DCHS1: variants seen among roughly 807,000 people sequenced by gnomAD.
DCHS1 encodes the protein dachsous cadherin-related 1, also known as protocadherin-16.
Under a neutral mutation model 213.9 loss-of-function variants are expected in DCHS1, and 78 were observed. That is an observed-to-expected ratio of 0.36 (90% CI 0.30 to 0.44). The LOEUF (loss-of-function observed/expected upper bound fraction) is 0.44. DCHS1 is among the 20% of genes least tolerant of loss of function. The probability of loss-of-function intolerance (pLI) is 1.00; values close to 1 mark genes in which losing one functional copy is unlikely to be tolerated. For missense variants in DCHS1, 3,946 were observed against 4,395.9 expected (o/e 0.90, Z 2.89); for synonymous variants, 1,828 against 1,873.7 (o/e 0.98, Z 0.63).
Position 6,632,867 on chromosome 11 carries a change from A to G in DCHS1, c.2645T>C (p.Val882Ala). ...GTTGTCATTCACATCATCCAGCAGC[A>G]CACGCACCCGAGCTACAGCGAAAGC... The part of the protein sequence containing the change: ...PPAFAVARVR[V>A]LLDDVNDNSP... The change falls in exon 6 of 21, where the codon GTG (valine) becomes GCG (alanine). Residue 882 changes from valine (V) to alanine (A), a missense_variant. This residue lies in a region of DCHS1 where 3,384 missense variants were observed against 3,780.1 expected (regional missense o/e 0.90). Transcript: ENST00000299441. This position sits in a 1 kb window ranked among gnomAD's most constrained non-coding sequence, Gnocchi z 5.9. 2.5e-6 allele frequency: 4 copies of G among 1,614,042 alleles called. No individual in the cohort carries two copies. Among genetic ancestry groups the G allele is most frequent in the Non-Finnish European group, 2.5e-6 (3 of 1,179,892 alleles).
Position 6,625,573 on chromosome 11 carries a change from G to A in DCHS1, c.6862+24C>T. 1 of 1,613,414 alleles carries A rather than the reference G, an allele frequency of 6.2e-7. No individual in the cohort carries two copies. The highest frequency in any genetic ancestry group is 1.1e-5 in the South Asian group (1 of 91,030). On this transcript the variant is annotated intron_variant, in intron 18 of 20. Transcript: ENST00000299441. The surrounding 1 kb of genome is among the most constrained non-coding windows in gnomAD (Gnocchi z 5.3). Reference sequence around the variant, plus strand: ...AAAATGTCTCTCTGCCACCCTTTATGCCACCCACTTTACCCAGCCTCACCT... The same window carrying A: ...AAAATGTCTCTCTGCCACCCTTTATACCACCCACTTTACCCAGCCTCACCT...
intron 1 of DCHS1, among the ~76,000 whole-genome samples, chr11:6,647,358 G>T (rs538446686): frequency 6.6e-6 from 1 of 152,266 alleles, no homozygotes; most frequent in African/African-American, 2.4e-5. Context: ...GAAGAAGGAG[G>T]AGGGGGCTCA....
At position 6,632,005 on chromosome 11, in the gene DCHS1, C is replaced by T. The variant is rs781130890; in HGVS notation, c.3481+26G>A. ...CAGGCTGGGGATAAGGCTATGCGGT[C>T]TCAGGATTTGGGTCTCTGTGCTCAC... is the stretch of plus-strand genomic sequence containing the variant. On this transcript the variant is annotated intron_variant, in intron 6 of 20. Coordinates refer to ENST00000299441, the MANE Select transcript of DCHS1 (RefSeq NM_003737.4). The surrounding 1 kb of genome is among the most constrained non-coding windows in gnomAD (Gnocchi z 5.9). 7 of 1,494,638 alleles carry T rather than the reference C, an allele frequency of 4.7e-6. No homozygotes were observed. The East Asian group carries it at 1.6e-4, about 34-fold the overall frequency. The allele number at this position is 1,494,638 out of a possible 1,614,324, so 92.6% of individuals were successfully genotyped here. A position where few individuals can be genotyped will look rare whatever the true frequency, so the allele number is the denominator to read the frequency against.
chr11:6,646,717 C>G (rs1010998415), intron 1 of DCHS1, among the ~76,000 whole-genome samples: 2 of 152,218 alleles, frequency 1.3e-5, no homozygotes, highest in African/African-American at 4.8e-5. Context: ...TGCTCTCCTC[C>G]TCCATCCCCA....
intron 1 of DCHS1, among the ~76,000 whole-genome samples, chr11:6,650,189 C>A (rs1319177488): frequency 1.3e-5 from 2 of 152,158 alleles, no homozygotes; most frequent in African/African-American, 4.8e-5. Flanking sequence ...TGAGAGATAA[C>A]AAGCTTCTTC....
Position 6,631,417 on chromosome 11 carries a change from C to G in DCHS1, c.3676-10G>C, listed in dbSNP as rs769146254. The stretch of plus-strand genomic sequence containing the variant: ...GCACGCGGTCTGGTACCTGTGGGAA[C>G]ACAACTCACCTAGTGAGTCTCTTTC... On this transcript the variant is annotated splice_polypyrimidine_tract_variant and intron_variant, in intron 7 of 20. Coordinates refer to ENST00000299441, the MANE Select transcript of DCHS1 (RefSeq NM_003737.4). 1.7e-5 allele frequency: 28 copies of G among 1,613,762 alleles called. No homozygotes were observed. The highest frequency in any genetic ancestry group is 2.2e-5 in the Non-Finnish European group (26 of 1,179,796).
Position 6,633,425 on chromosome 11 carries a change from T to A in DCHS1, c.2442A>T (p.Ala814=), listed in dbSNP as rs779234499. 1 of 1,556,988 alleles carries A rather than the reference T, an allele frequency of 6.4e-7. No individual in the cohort carries two copies. Among genetic ancestry groups the A allele is most frequent in the South Asian group, 1.2e-5 (1 of 84,364 alleles). The part of the protein sequence containing the change: ...APGTSVGIVQ[A]HNPPGRLAPV... ...GCTAAATGATACCTGGTGGGTTGTG[T>A]GCCTGGACTATGCCCACACTGGTGC... The change falls in exon 5 of 21, where the codon GCA becomes GCT. Residue 814 remains alanine (A), a synonymous_variant. Transcript: ENST00000299441.
At position 6,630,475 on chromosome 11, in the gene DCHS1, G is replaced by C. The variant is rs1481613648; in HGVS notation, c.4319C>G (p.Pro1440Arg). The C allele has an allele frequency of 7.2e-6, 11 of 1,530,830 alleles. No homozygotes were observed. The South Asian group carries it at 8.3e-5, about 12-fold the overall frequency. 94.8% of individuals were successfully genotyped at this position (1,530,830 alleles called of 1,614,324 possible). A position where few individuals can be genotyped will look rare whatever the true frequency, so the allele number is the denominator to read the frequency against. Residue 1440 changes from proline (P) to arginine (R), a missense_variant, in exon 10 of 21, where the codon CCG becomes CGG. Physicochemically the swap from Pro to Arg is moderately radical, Grantham distance 103 (BLOSUM62 -2). This residue lies in a region of DCHS1 where 3,384 missense variants were observed against 3,780.1 expected (regional missense o/e 0.90). Coordinates refer to ENST00000299441, the MANE Select transcript of DCHS1 (RefSeq NM_003737.4). Reference protein sequence around the residue: ...NEHAPAFARDPLALALPENPE... With the variant: ...NEHAPAFARDRLALALPENPE... ...GTTCTCTGGCAGCGCCAGCGCCAGC[G>C]GGTCGCGCGCAAAGGCGGGCGCATG... is the stretch of plus-strand genomic sequence containing the variant.
chr11:6,652,310 A>G (rs1856255878), intron 1 of DCHS1, among the ~76,000 whole-genome samples: 1 of 152,202 alleles, frequency 6.6e-6, no homozygotes, highest in Non-Finnish European at 1.5e-5. Context: ...GATCCTCCAG[A>G]TTGAGCAGAA....
In DCHS1 at chr11:6,622,416, T is replaced by A; in HGVS notation, c.9260A>T (p.Asp3087Val). The A allele has an allele frequency of 1.3e-6, 2 of 1,555,654 alleles. No individual in the cohort carries two copies. Among genetic ancestry groups the A allele is most frequent in the South Asian group, 2.4e-5 (2 of 84,132 alleles). ...TGCCTTTCGGCCCTTATACCAGGTG[T>A]CAGGGGCAGGTGGTTCGCAGGATGT... ...SDTSCEPPAP[D>V]TWYKGRKAGL... Residue 3087 changes from aspartate (D) to valine (V), a missense_variant, in exon 21 of 21, where the codon GAC becomes GTC. By Grantham distance (152) the Asp-to-Val change is radical (BLOSUM62 -3). Around this residue, in one of 3 missense-constraint regions of DCHS1, gnomAD observed 554 missense variants for 590.2 expected, o/e 0.94. Transcript: ENST00000299441. The surrounding 1 kb of genome is among the most constrained non-coding windows in gnomAD (Gnocchi z 5.4).
intron 1 of DCHS1, among the ~76,000 whole-genome samples, chr11:6,654,935 A>T (rs1235384180): frequency 6.6e-6 from 1 of 151,998 alleles, no homozygotes; most frequent in Non-Finnish European, 1.5e-5. Context: ...TGAGCTGGGT[A>T]TCCCAGACAC....
chr11:6,633,627 G>A lies in DCHS1; in HGVS notation c.2240C>T (p.Pro747Leu). The A allele has an allele frequency of 6.2e-7, 1 of 1,600,580 alleles. No individual in the cohort carries two copies. The highest frequency in any genetic ancestry group is 8.5e-7 in the Non-Finnish European group (1 of 1,173,324). ...EQSGLLTVAW[P>L]LARRANSVVQ... The stretch of plus-strand genomic sequence containing the variant: ...CACAGAATTGGCCCGTCTGGCCAAG[G>A]GCCAGGCTACTGTCAACAGCCCTGA... Residue 747 changes from proline to leucine, a missense_variant, in exon 5 of 21, where the codon CCC (proline) becomes CTC (leucine). Pro to Leu is a moderately conservative substitution (Grantham distance 98). Transcript: ENST00000299441.
At position 6,631,375 on chromosome 11, in the gene DCHS1, C is replaced by T. The variant is rs1855905140; in HGVS notation, c.3708G>A (p.Val1236=). The change falls in exon 8 of 21, where the codon GTG becomes GTA. Residue 1236 remains valine (V), a synonymous_variant. Coordinates refer to ENST00000299441, the MANE Select transcript of DCHS1 (RefSeq NM_003737.4). ...CTGGATCCTTCGCCTGCAGAGTCGT[C>T]ACCAGTGTTCCCGGAGGCACGCGGT... The part of the protein sequence containing the change: ...VPDRVPPGTL[V]TTLQAKDPDE... The T allele has an allele frequency of 6.2e-7, 1 of 1,614,010 alleles. No homozygotes were observed.
Position 6,622,340 on chromosome 11 carries a change from G to A in DCHS1, c.9336C>T (p.Pro3112=). Residue 3112 remains proline, a synonymous_variant, in exon 21 of 21, where the codon CCC becomes CCT. Coordinates refer to ENST00000299441, the MANE Select transcript of DCHS1 (RefSeq NM_003737.4). The surrounding 1 kb of genome is among the most constrained non-coding windows in gnomAD (Gnocchi z 5.4). ...AGATLYREEG[P]PATATAFLGG... ...CCAGGAAGGCTGTGGCAGTGGCTGG[G>A]GGCCCCTCCTCTCTGTAGAGAGTGG... is the stretch of plus-strand genomic sequence containing the variant. 1 of 1,599,066 alleles carries A rather than the reference G, an allele frequency of 6.3e-7. No homozygotes were observed. Among genetic ancestry groups the A allele is most frequent in the East Asian group, 2.3e-5 (1 of 44,332 alleles).
At chr11:6,649,647 G>C (rs1439633771) in intron 1 of DCHS1, among the ~76,000 whole-genome samples, 4 of 152,180 alleles carry the variant, frequency 2.6e-5, no homozygotes, top group African/African-American at 9.7e-5. Context: ...GACGTGGACA[G>C]ATCAAGTCCT....
chr11:6,654,310 A>G (rs1434710592), intron 1 of DCHS1, among the ~76,000 whole-genome samples: 3 of 152,134 alleles, frequency 2.0e-5, no homozygotes, highest in East Asian at 3.9e-4. Flanking sequence ...GACACCCACT[A>G]TGTATGGGCA....
Position 6,634,259 on chromosome 11 carries a change from A to G in DCHS1, c.1845T>C (p.Tyr615=), listed in dbSNP as rs1296159035. The part of the protein sequence containing the change: ...ADSGPFGLLS[Y]SLGAGLGSSG... ...AGGACCCAAGTCCAGCACCCAAGGA[A>G]TAGGAGAGGAGGCCAAATGGGCCAC... Residue 615 remains tyrosine (Y), a synonymous_variant, in exon 3 of 21, where the codon TAT becomes TAC. Coordinates refer to ENST00000299441, the MANE Select transcript of DCHS1 (RefSeq NM_003737.4). 4.3e-6 allele frequency: 7 copies of G among 1,612,992 alleles called. No homozygotes were observed. The highest frequency in any genetic ancestry group is 5.9e-6 in the Non-Finnish European group (7 of 1,179,408).
chr11:6,655,543 G>C lies in DCHS1; in HGVS notation c.-121+20C>G. ...CAGGGCGGGCGCGGCCAGACGGGCCGGGCGGGCGCGGGCACTGACCTCCGC... is the reference window on the plus strand; with the variant it reads ...CAGGGCGGGCGCGGCCAGACGGGCCCGGCGGGCGCGGGCACTGACCTCCGC... On this transcript the variant is annotated intron_variant, in intron 1 of 20. Coordinates refer to ENST00000299441, the MANE Select transcript of DCHS1 (RefSeq NM_003737.4). 2 of 980,802 alleles carry C rather than the reference G, an allele frequency of 2.0e-6. No individual in the cohort carries two copies. Among genetic ancestry groups the C allele is most frequent in the Non-Finnish European group, 1.2e-6 (1 of 827,996 alleles). The allele number at this position is 980,802 out of a possible 1,614,324, so 60.8% of individuals were successfully genotyped here.
At chr11:6,654,981 C>A (rs1856293410) in intron 1 of DCHS1, among the ~76,000 whole-genome samples, 1 of 130,574 alleles carries the variant, frequency 7.7e-6, no homozygotes, top group South Asian at 2.4e-4. Context: ...ACTCAGAACA[C>A]GTCTGGGTGA....
Sources: gnomAD v4.1 joint callset for allele counts (sites outside exome capture counted in the v4.1 genomes callset) on GRCh38, gnomAD v4.1.1 for gene constraint, gnomAD v4.1.1 regional missense constraint, Gnocchi (gnomAD v3.1) non-coding constraint, MANE v1.5 for transcripts, NCBI Gene and HGNC (gene_info 2026-07-23, HGNC 2026-07-21) for gene names.